The following SLCO1B1 variants were observed in gnomAD, a reference collection of about 807,000 sequenced individuals.
SLCO1B1 encodes OATP-2.
In SLCO1B1, 81 loss-of-function variants were observed where a neutral mutation model predicts 70.1. The observed-to-expected ratio is 1.16, with a 90% CI of 0.97 to 1.39. The LOEUF (loss-of-function observed/expected upper bound fraction) is 1.39, where lower values mean the gene tolerates loss of function less well. Among genes scored for constraint, SLCO1B1 ranks in the 40% most tolerant of loss-of-function variants. SLCO1B1 has a pLI of 0.00. For missense variants in SLCO1B1, 895 were observed against 799.6 expected, an observed-to-expected ratio of 1.12 and a Z score of -1.44; for synonymous variants, 283 against 271.5, an observed-to-expected ratio of 1.04 and a Z score of -0.42.
chr12:21,153,825 T>C (rs1016903665), intron 2 of SLCO1B1, among the ~76,000 whole-genome samples: 2 of 152,016 alleles, frequency 1.3e-5, no homozygotes, highest in African/African-American at 2.4e-5. Flanking sequence ...TCCTTAATGA[T>C]GTTTCTATGT....
chr12:21,238,908 T>G, intron 14 of SLCO1B1, 71 bp from the exon 15 acceptor site: 1 of 890,850 alleles, frequency 1.1e-6, no homozygotes, highest in Non-Finnish European at 1.8e-6. Context: ...ATCTGGATAC[T>G]GGAGAAAATG....
intron 14 of SLCO1B1, among the ~76,000 whole-genome samples, chr12:21,236,142 A>G (rs1017607909): frequency 1.3e-5 from 2 of 152,094 alleles, no homozygotes; most frequent in African/African-American, 4.8e-5. Flanking sequence ...ATTACCCTCT[A>G]TCCAGATTCA....
intron 11 of SLCO1B1, 72 bp downstream of exon 11, chr12:21,206,105 A>G: frequency 7.8e-7 from 1 of 1,288,524 alleles, no homozygotes; most frequent in Non-Finnish European, 1.1e-6. Context: ...TTTACCAAAT[A>G]TTTCTGTAAC....
chr12:21,166,567 A>G (rs1940689022), intron 2 of SLCO1B1, among the ~76,000 whole-genome samples: 1 of 152,212 alleles, frequency 6.6e-6, no homozygotes, highest in Non-Finnish European at 1.5e-5. Flanking sequence ...AGGGAATTGT[A>G]AATTAAACAA....
At chr12:21,152,533 C>CTTTTTTTTGTTTTTTT (rs1940485505) in intron 2 of SLCO1B1, among the ~76,000 whole-genome samples, 1 of 34,358 alleles carries the variant, frequency 2.9e-5, no homozygotes, top group African/African-American at 1.0e-4. Context: ...AGAGGAGAGG[C>CTTTTTTTTGTTTTTTT]TTTTTTTTTT....
chr12:21,225,604 A>G (rs1941474781), intron 14 of SLCO1B1, among the ~76,000 whole-genome samples: 5 of 152,226 alleles, frequency 3.3e-5, no homozygotes, highest in Admixed American at 2.0e-4. Flanking sequence ...TAAAATCTGC[A>G]TCATTAAACT....
intron 14 of SLCO1B1, among the ~76,000 whole-genome samples, chr12:21,236,883 T>C (rs56164184): frequency 0.13 from 20,291 of 151,866 alleles, 1,656 homozygotes; most frequent in Non-Finnish European, 0.18. Flanking sequence ...CAGCATGATA[T>C]ATCTTCCTCC....
At chr12:21,216,391 G>A (rs945671605) in intron 11 of SLCO1B1, among the ~76,000 whole-genome samples, 3 of 152,068 alleles carry the variant, frequency 2.0e-5, no homozygotes, top group African/African-American at 7.2e-5. Context: ...TTCAACGTGA[G>A]GTTCCCTTAA....
chr12:21,137,859 T>G (rs1391102919), intron 1 of SLCO1B1, among the ~76,000 whole-genome samples: 1 of 152,206 alleles, frequency 6.6e-6, no homozygotes, highest in Non-Finnish European at 1.5e-5. Flanking sequence ...ACCTACTGTC[T>G]GGCACTCCCC....
intron 1 of SLCO1B1, among the ~76,000 whole-genome samples, chr12:21,133,897 C>T (rs559554917): frequency 5.2e-4 from 79 of 152,296 alleles, no homozygotes; most frequent in African/African-American, 1.7e-3. Flanking sequence ...GAGAGGGCAT[C>T]CCTGTCTTGT....
intron 14 of SLCO1B1, among the ~76,000 whole-genome samples, chr12:21,233,596 A>G (rs1941566548): frequency 6.6e-6 from 1 of 151,822 alleles, no homozygotes; most frequent in African/African-American, 2.4e-5. Context: ...AAGAGCCCCA[A>G]AGGAGCCAAA....
At position 21,202,555 on chromosome 12, in the gene SLCO1B1, C is replaced by G. The variant is rs59113707; in HGVS notation, c.1200C>G (p.Phe400Leu). ...MFLGGYIIKKFKLNTVGIAKF... is the reference protein window; with the variant it reads ...MFLGGYIIKKLKLNTVGIAKF... ...TAGGAGGATATATCATTAAAAAATT[C>G]AAACTGAACACCGTTGGAATTGCCA... Residue 400 changes from phenylalanine (F) to leucine (L), a missense_variant, in exon 10 of 15, where the codon TTC (phenylalanine) becomes TTG (leucine). By Grantham distance (22) the Phe-to-Leu change is conservative. Transcript: ENST00000256958. The G allele has an allele frequency of 2.6e-3, 4,153 of 1,611,774 alleles. 92 individuals are homozygous for G. In the African/African-American group the frequency reaches 0.049, roughly 19 times the overall value.
At chr12:21,139,730 T>A (rs1221842835) in intron 1 of SLCO1B1, among the ~76,000 whole-genome samples, 1 of 152,164 alleles carries the variant, frequency 6.6e-6, no homozygotes, top group African/African-American at 2.4e-5. Flanking sequence ...GGTGAAAAAT[T>A]TGAGCTGCCA....
intron 2 of SLCO1B1, among the ~76,000 whole-genome samples, chr12:21,165,768 A>G (rs1316133647): frequency 1.3e-5 from 2 of 152,128 alleles, no homozygotes; most frequent in Admixed American, 1.3e-4. Context: ...AGCTGTTTGC[A>G]GCCTAGGAGA....
intron 2 of SLCO1B1, among the ~76,000 whole-genome samples, chr12:21,171,944 A>G (rs1266476483): frequency 6.6e-6 from 1 of 152,136 alleles, no homozygotes; most frequent in African/African-American, 2.4e-5. Flanking sequence ...AATTTCCTCA[A>G]AAAGACCCTA....
At chr12:21,236,498 C>T (rs1281483992) in intron 14 of SLCO1B1, among the ~76,000 whole-genome samples, 1 of 152,146 alleles carries the variant, frequency 6.6e-6, no homozygotes, top group Admixed American at 6.5e-5. Context: ...AGGCTGGCCA[C>T]CTAGTTGTCT....
intron 13 of SLCO1B1, among the ~76,000 whole-genome samples, chr12:21,224,384 A>C (rs556917218): frequency 1.3e-5 from 2 of 152,274 alleles, no homozygotes; most frequent in South Asian, 4.1e-4. Flanking sequence ...CCTAAGAAAA[A>C]TCCCATATTA....
intron 11 of SLCO1B1, among the ~76,000 whole-genome samples, chr12:21,211,044 C>G (rs1050494011): frequency 6.6e-6 from 1 of 152,106 alleles, no homozygotes; most frequent in Non-Finnish European, 1.5e-5. Context: ...TAATTGAATA[C>G]CATTTATTTC....
chr12:21,196,957 A>G lies in SLCO1B1; in HGVS notation c.739A>G (p.Ile247Val). Residue 247 changes from isoleucine (I) to valine (V), a missense_variant, in exon 8 of 15, where the codon ATA becomes GTA. Transcript: ENST00000256958. ...ATTATTTATTCTAGGCACTATCAGG[A>G]TAACTCCTACTGATTCTCGATGGGT... The part of the protein sequence containing the change: ...IGYVDLSTIR[I>V]TPTDSRWVGA... 1 of 1,613,484 alleles carries G rather than the reference A, an allele frequency of 6.2e-7. No individual in the cohort carries two copies. Among genetic ancestry groups the G allele is most frequent in the Non-Finnish European group, 8.5e-7 (1 of 1,179,530 alleles).
Sources: allele counts gnomAD v4.1 joint callset (sites outside exome capture counted in the v4.1 genomes callset), GRCh38; gene constraint gnomAD v4.1.1; transcripts MANE v1.5; gene names NCBI Gene and HGNC (gene_info 2026-07-23, HGNC 2026-07-21).